Variants in COBL observed in about 807,000 individuals in gnomAD.
COBL encodes cordon-bleu WH2 repeat protein.
COBL carries 51 observed loss-of-function variants against 98.8 expected under a neutral mutation model. The ratio of observed to expected loss-of-function variants is 0.52; its 90% CI spans 0.41 to 0.65. The LOEUF (loss-of-function observed/expected upper bound fraction) is 0.65, where lower values mean the gene tolerates loss of function less well. Among genes scored for constraint, COBL ranks in the 30% least tolerant of loss-of-function variants. COBL has a pLI of 0.00. For synonymous variants in COBL, 634 were observed against 651.7 expected (o/e 0.97, Z 0.41); for missense variants, 1,617 against 1,617.5 (o/e 1.00, Z 0.01).
chr7:51,284,629 C>A (rs1800147848), intron 1 of COBL, among the ~76,000 whole-genome samples: 1 of 151,710 alleles, frequency 6.6e-6, no homozygotes, highest in African/African-American at 2.4e-5. Flanking sequence ...GAGTTCGAGA[C>A]CAGCCTGGCC....
At chr7:51,172,275 G>A (rs1029836113) in intron 5 of COBL, among the ~76,000 whole-genome samples, 8 of 152,176 alleles carry the variant, frequency 5.3e-5, no homozygotes, top group Non-Finnish European at 8.8e-5. Flanking sequence ...AATATTCCAC[G>A]TATTCCAAAA....
intron 7 of COBL, among the ~76,000 whole-genome samples, chr7:51,075,977 T>C (rs1049311174): frequency 9.2e-5 from 14 of 152,224 alleles, no homozygotes; most frequent in Admixed American, 7.2e-4. Flanking sequence ...TTCCATTTTA[T>C]GAAAAGGCCC....
Position 51,026,606 on chromosome 7 carries a change from G to A in COBL, c.3444C>T (p.Gly1148=), listed in dbSNP as rs370970848. 3.3e-5 allele frequency: 54 copies of A among 1,613,970 alleles called. No homozygotes were observed. The highest frequency in any genetic ancestry group is 1.6e-4 in the Middle Eastern group (1 of 6,082). ...PAKLSYTEAE[G]ERSALLAAIR... ...TAGCTGCCAGCAGTGCAGATCGTTC[G>A]CCCTCTGCCTCCGTGTAGGACAGTT... Residue 1148 remains glycine (G), a synonymous_variant, in exon 11 of 13, where the codon GGC becomes GGT. Coordinates refer to ENST00000265136, the MANE Select transcript of COBL (RefSeq NM_015198.5).
chr7:51,157,335 T>C (rs1413816109), intron 5 of COBL, among the ~76,000 whole-genome samples: 2 of 152,200 alleles, frequency 1.3e-5, no homozygotes, highest in Non-Finnish European at 2.9e-5. Flanking sequence ...ATCATGCCAC[T>C]GCACTCCAGC....
rs1166715122 is a variant in COBL, at chr7:51,016,984, A to C, written c.*567T>G. The C allele has an allele frequency of 5.0e-6, 2 of 403,846 alleles. No homozygotes were observed. The highest frequency in any genetic ancestry group is 4.4e-6 in the Non-Finnish European group (1 of 229,642). The allele number at this position is 403,846 out of a possible 1,614,324, so 25.0% of individuals were successfully genotyped here. Reference sequence around the variant, plus strand: ...GTGAAGTGTTAGCCCCAAATATTTGAGGAAGAAGAATCCAGCAGTTTTACT... The same window carrying C: ...GTGAAGTGTTAGCCCCAAATATTTGCGGAAGAAGAATCCAGCAGTTTTACT... On this transcript the variant is annotated 3_prime_UTR_variant, in exon 13 of 13. Transcript: ENST00000265136.
chr7:51,276,366 C>T (rs923520896), intron 1 of COBL, among the ~76,000 whole-genome samples: 1 of 152,148 alleles, frequency 6.6e-6, no homozygotes, highest in Non-Finnish European at 1.5e-5. Flanking sequence ...CTGGGAAAGG[C>T]GAATGGAACC....
intron 1 of COBL, among the ~76,000 whole-genome samples, chr7:51,227,655 C>T (rs1016977355): frequency 3.9e-5 from 6 of 152,176 alleles, no homozygotes; most frequent in Non-Finnish European, 7.3e-5. Context: ...TCTCAGACTC[C>T]TAAGCCTCTT....
At chr7:51,288,698 G>A (rs1399203994) in intron 1 of COBL, among the ~76,000 whole-genome samples, 3 of 152,080 alleles carry the variant, frequency 2.0e-5, no homozygotes, top group Admixed American at 1.3e-4. Flanking sequence ...AGGTTGCAGT[G>A]AGCTGAGATC....
At chr7:51,208,311 C>T (rs376188809) in intron 2 of COBL, among the ~76,000 whole-genome samples, 174 of 151,634 alleles carry the variant, frequency 1.1e-3, no homozygotes, top group East Asian at 5.3e-3. Context: ...CGTCTCCGCC[C>T]GGCAGCCACC....
chr7:51,172,978 AG>A (rs1003096701), intron 5 of COBL, among the ~76,000 whole-genome samples: 8 of 151,722 alleles, frequency 5.3e-5, no homozygotes, highest in Non-Finnish European at 8.8e-5. Context: ...TAGTAGAGAC[AG>A]GGTTTCACCA....
At chr7:51,216,029 C>T (rs1390620540) in intron 2 of COBL, among the ~76,000 whole-genome samples, 1 of 152,224 alleles carries the variant, frequency 6.6e-6, no homozygotes, top group African/African-American at 2.4e-5. Context: ...GAATATGAGG[C>T]AGATTTCCTC....
intron 1 of COBL, among the ~76,000 whole-genome samples, chr7:51,280,568 T>C (rs1799731657): frequency 6.6e-6 from 1 of 152,216 alleles, no homozygotes; most frequent in African/African-American, 2.4e-5. Context: ...TCACAGGATA[T>C]GTGCAGCAAA....
chr7:51,225,827 A>G (rs2129096867), intron 1 of COBL, among the ~76,000 whole-genome samples: 1 of 152,288 alleles, frequency 6.6e-6, no homozygotes, highest in East Asian at 1.9e-4. Context: ...ACTGAAAGTC[A>G]GAGGGTCTTA....
chr7:51,302,137 G>A (rs1282330650), intron 1 of COBL, among the ~76,000 whole-genome samples: 1 of 152,200 alleles, frequency 6.6e-6, no homozygotes. Flanking sequence ...GGGCTAACAA[G>A]GGCAAAGGCC....
rs1293348700 is a variant in COBL at position 51,030,882 on chromosome 7, A to C, written c.1434T>G (p.Asn478Lys). The change falls in exon 9 of 13, where the codon AAT becomes AAG. Residue 478 changes from asparagine to lysine, a missense_variant. Around this residue, in one of 3 missense-constraint regions of COBL, gnomAD observed 1,304 missense variants for 1,282.0 expected, o/e 1.02. Coordinates refer to ENST00000265136, the MANE Select transcript of COBL (RefSeq NM_015198.5). ...LRTEKAVTAS[N>K]DEEDLLIAGE... ...CAGCAATTAATAGGTCTTCTTCATC[A>C]TTTGAGGCTGTGACAGCTTTTTCAG... The C allele has an allele frequency of 5.0e-6, 8 of 1,609,466 alleles. No homozygotes were observed. Among genetic ancestry groups the C allele is most frequent in the South Asian group, 4.4e-5 (4 of 90,872 alleles).
intron 5 of COBL, among the ~76,000 whole-genome samples, chr7:51,170,621 C>T (rs1174106511): frequency 6.7e-6 from 1 of 150,148 alleles, no homozygotes; most frequent in African/African-American, 2.4e-5. Context: ...GAAAACAATC[C>T]TGTCATTTGT....
chr7:51,112,254 A>G (rs187285814), intron 6 of COBL, among the ~76,000 whole-genome samples: 2 of 152,324 alleles, frequency 1.3e-5, no homozygotes, highest in African/African-American at 4.8e-5. Flanking sequence ...TTCTATTCCA[A>G]TTCATCACTG....
intron 6 of COBL, among the ~76,000 whole-genome samples, chr7:51,090,411 G>C (rs758614412): frequency 6.6e-6 from 1 of 152,200 alleles, no homozygotes; most frequent in Non-Finnish European, 1.5e-5. Context: ...ACCCAGTATC[G>C]CTCAGTGTCT....
intron 1 of COBL, among the ~76,000 whole-genome samples, chr7:51,239,847 C>G (rs1014837927): frequency 6.6e-6 from 1 of 152,154 alleles, no homozygotes; most frequent in African/African-American, 2.4e-5. Context: ...TATTGATTGT[C>G]TAGATCAGGG....
Sources: allele counts gnomAD v4.1 joint callset (sites outside exome capture counted in the v4.1 genomes callset), GRCh38; gene constraint gnomAD v4.1.1; regional missense constraint gnomAD v4.1.1; transcripts MANE v1.5; gene names NCBI Gene and HGNC (gene_info 2026-07-23, HGNC 2026-07-21).